SPINK5: variants seen among roughly 807,000 people sequenced by gnomAD.
SPINK5 encodes the protein serine peptidase inhibitor Kazal type 5, also known as serine protease inhibitor Kazal-type 5.
In SPINK5, 125 loss-of-function variants were observed where a neutral mutation model predicts 151.8. That is an observed-to-expected ratio of 0.82 (90% CI 0.71 to 0.96). The LOEUF is 0.96. Ranked by LOEUF, SPINK5 falls within the 40% of genes least tolerant of loss-of-function variation. The pLI, the probability that SPINK5 is intolerant of heterozygous loss-of-function variation, is 0.00. For synonymous variants in SPINK5, 374 were observed against 395.3 expected (o/e 0.95, Z 0.64); for missense variants, 1,194 against 1,291.9 (o/e 0.92, Z 1.16).
At chr5:148,123,384 T>TTATA (rs72219001) in intron 26 of SPINK5, among the ~76,000 whole-genome samples, 1,614 of 129,644 alleles carry the variant, frequency 0.012, 45 homozygotes, top group African/African-American at 0.044. Context: ...CATAACAAGA[T>TTATA]TATATATATA....
Position 148,127,143 on chromosome 5 carries a change from T to C in SPINK5, c.2964+64T>C, listed in dbSNP as rs556912632. ...AATTTTCTTGATTTTTTTTGACCTG[T>C]TGCTATTTGCTATTTTCATAGAAGG... On this transcript the variant is annotated intron_variant, in intron 30 of 32. Coordinates refer to ENST00000256084, the MANE Select transcript of SPINK5 (RefSeq NM_006846.4). The C allele has an allele frequency of 2.2e-6, 3 of 1,378,818 alleles. No individual in the cohort carries two copies. In the African/African-American group the frequency reaches 4.3e-5, roughly 20 times the overall value. The allele number at this position is 1,378,818 out of a possible 1,614,324, so 85.4% of individuals were successfully genotyped here.
intron 4 of SPINK5, among the ~76,000 whole-genome samples, chr5:148,073,602 G>A (rs1752797884): frequency 6.6e-6 from 1 of 151,510 alleles, no homozygotes; most frequent in South Asian, 2.1e-4. Context: ...TATATCTATA[G>A]TGTTTAAAAA....
chr5:148,086,392 A>T lies in SPINK5; in HGVS notation c.283-13A>T. 2 of 1,609,464 alleles carry T rather than the reference A, an allele frequency of 1.2e-6. No homozygotes were observed. Among genetic ancestry groups the T allele is most frequent in the Non-Finnish European group, 1.7e-6 (2 of 1,178,074 alleles). On this transcript the variant is annotated splice_polypyrimidine_tract_variant and intron_variant, in intron 4 of 32. Coordinates refer to ENST00000256084, the MANE Select transcript of SPINK5 (RefSeq NM_006846.4). ...TCTTACATTTTGACGTTCCTTGATC[A>T]TGTCTTTTGCAGCTGAATTGTGATG...
In SPINK5 at chr5:148,070,385, G is replaced by T. The variant is rs1490014656; in HGVS notation, c.144G>T (p.Lys48Asn). 6.2e-7 allele frequency: 1 copy of T among 1,612,730 alleles called. No homozygotes were observed. Among genetic ancestry groups the T allele is most frequent in the African/African-American group, 1.3e-5 (1 of 74,846 alleles). Residue 48 changes from lysine to asparagine, a missense_variant, in exon 3 of 33, where the codon AAG (lysine) becomes AAT (asparagine). By Grantham distance (94) the Lys-to-Asn change is moderately conservative. Coordinates refer to ENST00000256084, the MANE Select transcript of SPINK5 (RefSeq NM_006846.4). ...GAAAACTGTTCTGTCCCCAGGATAA[G>T]AAATTTTTTCAAAGTCTTGATGGAA... is the stretch of plus-strand genomic sequence containing the variant. The part of the protein sequence containing the change: ...KNGKLFCPQD[K>N]KFFQSLDGIM...
chr5:148,125,772 G>T lies in SPINK5; in HGVS notation c.2789G>T (p.Cys930Phe). 3.7e-6 allele frequency: 6 copies of T among 1,614,186 alleles called. No individual in the cohort carries two copies. Among genetic ancestry groups the T allele is most frequent in the Non-Finnish European group, 5.1e-6 (6 of 1,180,020 alleles). ...RNYIRNNELI[C>F]PRENDPVHGA... The stretch of plus-strand genomic sequence containing the variant: ...TATATAAGGAACAATGAACTCATCT[G>T]CCCTAGAGAGAATGACCCAGTGCAC... The change falls in exon 29 of 33, where the codon TGC becomes TTC. Residue 930 changes from cysteine to phenylalanine, a missense_variant. Transcript: ENST00000256084.
chr5:148,137,201 C>A lies in SPINK5; in HGVS notation c.*210C>A. 1 of 630,218 alleles carries A rather than the reference C, an allele frequency of 1.6e-6. No homozygotes were observed. The allele number at this position is 630,218 out of a possible 1,614,324, so 39.0% of individuals were successfully genotyped here. ...GTGATCTGAGGGTATAAAGACATCTCCACCAAGTCTGAGCCCTCAAAATGT... is the reference window on the plus strand; with the variant it reads ...GTGATCTGAGGGTATAAAGACATCTACACCAAGTCTGAGCCCTCAAAATGT... On this transcript the variant is annotated 3_prime_UTR_variant, in exon 33 of 33. Transcript: ENST00000256084.
intron 21 of SPINK5, among the ~76,000 whole-genome samples, chr5:148,114,772 G>T (rs1561697910): frequency 6.6e-6 from 1 of 152,322 alleles, no homozygotes; most frequent in Non-Finnish European, 1.5e-5. Flanking sequence ...TTGCTATCAA[G>T]TGGATCCTTT....
intron 27 of SPINK5, 30 bp downstream of exon 27, chr5:148,123,990 A>G (rs1754363319): frequency 5.0e-6 from 8 of 1,612,902 alleles, no homozygotes; most frequent in Non-Finnish European, 6.8e-6. Context: ...AATAAATTTG[A>G]TAGTTGTGCC....
intron 2 of SPINK5, among the ~76,000 whole-genome samples, chr5:148,067,354 C>T (rs1328589915): frequency 6.6e-6 from 1 of 152,252 alleles, no homozygotes; most frequent in East Asian, 1.9e-4. Flanking sequence ...ATAACAGCAA[C>T]AGTAACAAAA....
chr5:148,106,442 C>T (rs1223866579), intron 16 of SPINK5, among the ~76,000 whole-genome samples: 4 of 152,096 alleles, frequency 2.6e-5, no homozygotes, highest in Non-Finnish European at 5.9e-5. Flanking sequence ...CCACCTAAGC[C>T]TCCCAAGTAG....
In SPINK5 at chr5:148,127,031, T is replaced by TGA; in HGVS notation, c.2917_2918insAG (p.Val973GlufsTer31). On this transcript the variant is annotated frameshift_variant, in exon 30 of 33. Transcript: ENST00000256084. LOFTEE classifies it high-confidence loss of function. ...CAAAGCTTCAAGAAAAGCCATCCCA[T>TGA]GTTAGAGCTTCTCAAGAGGAAGACA... The TGA allele has an allele frequency of 6.2e-7, 1 of 1,613,770 alleles. No homozygotes were observed. The highest frequency in any genetic ancestry group is 1.1e-5 in the South Asian group (1 of 91,028).
chr5:148,123,970 A>G lies in SPINK5; in HGVS notation c.2666+10A>G. ...TGTGTCAGAGCATCTTGTACGTAAA[A>G]AGGTTTATCAATAAATTTGATAGTT... On this transcript the variant is annotated intron_variant, in intron 27 of 32. Transcript: ENST00000256084. 6.2e-7 allele frequency: 1 copy of G among 1,613,600 alleles called. No individual in the cohort carries two copies. The highest frequency in any genetic ancestry group is 1.1e-5 in the South Asian group (1 of 91,034).
Position 148,068,674 on chromosome 5 carries a change from T to A in SPINK5, c.82-1649T>A, listed in dbSNP as rs545717995. Among the ~76,000 whole-genome samples the A allele has an allele frequency of 3.2e-4, 49 of 151,608 alleles. No homozygotes were observed. The East Asian group carries it at 7.8e-3, about 24-fold the overall frequency. The stretch of plus-strand genomic sequence containing the variant: ...CCTTTAATAAATTTTTTGGAACAGG[T>A]TGTGTTTGTCAGAGTTGAAGCAAAA... On this transcript the variant is annotated intron_variant, in intron 2 of 32. Coordinates refer to ENST00000256084, the MANE Select transcript of SPINK5 (RefSeq NM_006846.4).
rs571558196 is a variant in SPINK5, at chr5:148,125,942, C to T, written c.2867+92C>T. 3 of 1,572,464 alleles carry T rather than the reference C, an allele frequency of 1.9e-6. No individual in the cohort carries two copies. The East Asian group carries it at 6.7e-5, about 35-fold the overall frequency. ...GAATAAGTTTGTATATTTATGAACC[C>T]CATGGGATTTTAAAAATAAGTCTTT... is the stretch of plus-strand genomic sequence containing the variant. On this transcript the variant is annotated intron_variant, in intron 29 of 32. Transcript: ENST00000256084.
intron 4 of SPINK5, among the ~76,000 whole-genome samples, chr5:148,072,672 C>T (rs1434854354): frequency 6.6e-6 from 1 of 151,528 alleles, no homozygotes; most frequent in Non-Finnish European, 1.5e-5. Flanking sequence ...GTTTTAAAAG[C>T]CGGTCTCAGG....
At chr5:148,102,051 C>T in intron 15 of SPINK5, 143 bp downstream of exon 15, 1 of 1,171,990 alleles carries the variant, frequency 8.5e-7, no homozygotes, top group Non-Finnish European at 1.2e-6. Flanking sequence ...GGACTAAAAA[C>T]AAACAACAGC....
Position 148,101,918 on chromosome 5 carries a change from G to A in SPINK5, c.1430+10G>A, listed in dbSNP as rs1753657383. ...TGTGTGAGGCCTTCTTGTGAGTAGA[G>A]CAGTAGCCCCATAGCGTCTGAGGAT... is the stretch of plus-strand genomic sequence containing the variant. On this transcript the variant is annotated intron_variant, in intron 15 of 32. Coordinates refer to ENST00000256084, the MANE Select transcript of SPINK5 (RefSeq NM_006846.4). The A allele has an allele frequency of 1.2e-6, 2 of 1,613,422 alleles. No homozygotes were observed. The highest frequency in any genetic ancestry group is 4.5e-5 in the East Asian group (2 of 44,846).
intron 3 of SPINK5, among the ~76,000 whole-genome samples, chr5:148,070,855 C>T (rs147769791): frequency 0.017 from 2,602 of 152,138 alleles, 43 homozygotes; most frequent in South Asian, 0.095. Flanking sequence ...AAGCATAATG[C>T]CAGACTCTCC....
intron 26 of SPINK5, among the ~76,000 whole-genome samples, chr5:148,123,550 T>C: frequency 1.3e-5 from 1 of 75,738 alleles, no homozygotes; most frequent in East Asian, 3.4e-4. Context: ...TATATATATA[T>C]AATCTTGCTT....
Sources: gnomAD v4.1 joint callset for allele counts (sites outside exome capture counted in the v4.1 genomes callset) on GRCh38, gnomAD v4.1.1 for gene constraint, MANE v1.5 for transcripts, NCBI Gene and HGNC (gene_info 2026-07-23, HGNC 2026-07-21) for gene names.